Variants in MACROD2 observed in about 807,000 individuals in gnomAD.
MACROD2 encodes the protein mono-ADP ribosylhydrolase 2.
In MACROD2, 36 loss-of-function variants were observed where a neutral mutation model predicts 70.4. That is an observed-to-expected ratio of 0.51 (90% CI 0.39 to 0.68). The LOEUF (loss-of-function observed/expected upper bound fraction) is 0.68. Among genes scored for constraint, MACROD2 ranks in the 30% least tolerant of loss-of-function variants. The pLI, the probability that MACROD2 is intolerant of heterozygous loss-of-function variation, is 0.00. For missense variants in MACROD2, 496 were observed against 538.4 expected (o/e 0.92, Z 0.78); for synonymous variants, 172 against 178.8 (o/e 0.96, Z 0.30).
Position 14,202,878 on chromosome 20 carries a change from G to A in MACROD2, c.271+117150G>A, listed in dbSNP as rs112626730. 8.1e-3 allele frequency among the ~76,000 whole-genome samples: 1,234 copies of A among 152,106 alleles called. 24 individuals carry two copies. Among genetic ancestry groups the A allele is most frequent in the African/African-American group, 0.027 (1,132 of 41,490 alleles). ...AGCCTGACCAACATAGTGAAACCCCGTCTCTATTAAAAATACAAAATTACC... is the reference window on the plus strand; with the variant it reads ...AGCCTGACCAACATAGTGAAACCCCATCTCTATTAAAAATACAAAATTACC... On this transcript the variant is annotated intron_variant, in intron 3 of 17. Transcript: ENST00000684519.
At chr20:15,624,074 T>C (rs965723419) in intron 8 of MACROD2, among the ~76,000 whole-genome samples, 2 of 152,134 alleles carry the variant, frequency 1.3e-5, no homozygotes, top group African/African-American at 4.8e-5. Context: ...AAGCCAACAG[T>C]GCAGCCTTCA....
intron 7 of MACROD2, among the ~76,000 whole-genome samples, chr20:15,452,260 A>G (rs2046653834): frequency 6.6e-6 from 1 of 152,164 alleles, no homozygotes; most frequent in Admixed American, 6.5e-5. Context: ...AGAGAGTCTG[A>G]GGCCCTCACT....
chr20:14,762,763 C>T (rs2072033469), intron 5 of MACROD2, among the ~76,000 whole-genome samples: 1 of 151,928 alleles, frequency 6.6e-6, no homozygotes, highest in Non-Finnish European at 1.5e-5. Context: ...AACTCTGTCT[C>T]TACTGAAAAT....
chr20:15,640,789 T>C (rs969913919), intron 8 of MACROD2, among the ~76,000 whole-genome samples: 6 of 152,218 alleles, frequency 3.9e-5, no homozygotes, highest in Non-Finnish European at 7.3e-5. Flanking sequence ...ATGATGGTTC[T>C]TTTTCAGGAG....
chr20:15,401,686 G>A (rs1018532416), intron 6 of MACROD2, among the ~76,000 whole-genome samples: 1 of 152,170 alleles, frequency 6.6e-6, no homozygotes, highest in African/African-American at 2.4e-5. Context: ...ATAGCAATAG[G>A]GTTATAGTAT....
At chr20:14,180,598 CTAAGAG>C (rs530916296) in intron 3 of MACROD2, among the ~76,000 whole-genome samples, 45 of 151,966 alleles carry the variant, frequency 3.0e-4, no homozygotes, top group Middle Eastern at 3.4e-3. Flanking sequence ...TCTTTTCAGT[CTAAGAG>C]TAATTATGAA....
chr20:15,134,690 T>G (rs1276602034), intron 5 of MACROD2, among the ~76,000 whole-genome samples: 1 of 151,850 alleles, frequency 6.6e-6, no homozygotes, highest in Non-Finnish European at 1.5e-5. Context: ...ATTCAAAAGC[T>G]AGCAGAAGGC....
intron 5 of MACROD2, among the ~76,000 whole-genome samples, chr20:15,130,686 A>C (rs1008723827): frequency 1.4e-4 from 22 of 152,166 alleles, no homozygotes; most frequent in African/African-American, 5.3e-4. Context: ...AGTAAACAAA[A>C]GAGGAGAATG....
intron 4 of MACROD2, among the ~76,000 whole-genome samples, chr20:14,569,806 A>C (rs6079496): frequency 0.64 from 97,342 of 151,676 alleles, 32,808 homozygotes; most frequent in East Asian, 0.93. Flanking sequence ...AAGAATTTGG[A>C]TCCTAAGGGA....
At chr20:15,572,170 T>C (rs2048384754) in intron 8 of MACROD2, among the ~76,000 whole-genome samples, 1 of 152,062 alleles carries the variant, frequency 6.6e-6, no homozygotes, top group Non-Finnish European at 1.5e-5. Flanking sequence ...GAAAGCCCTG[T>C]ATATATTCAC....
intron 3 of MACROD2, among the ~76,000 whole-genome samples, chr20:14,433,440 G>A (rs1266358544): frequency 6.6e-6 from 1 of 152,128 alleles, no homozygotes; most frequent in Non-Finnish European, 1.5e-5. Context: ...AGAAAATAAA[G>A]TGAAAAGGGT....
intron 6 of MACROD2, among the ~76,000 whole-genome samples, chr20:15,242,220 A>C (rs752560322): frequency 1.3e-5 from 2 of 152,188 alleles, no homozygotes; most frequent in Non-Finnish European, 2.9e-5. Context: ...CGGACCTCCA[A>C]AGAGGGACAT....
At chr20:15,062,643 C>T (rs2075542094) in intron 5 of MACROD2, among the ~76,000 whole-genome samples, 1 of 152,042 alleles carries the variant, frequency 6.6e-6, no homozygotes, top group African/African-American at 2.4e-5. Context: ...TTTCTTTTAA[C>T]TAATTAATCT....
chr20:15,258,637 A>G (rs1434727645), intron 6 of MACROD2, among the ~76,000 whole-genome samples: 1 of 152,076 alleles, frequency 6.6e-6, no homozygotes, highest in African/African-American at 2.4e-5. Flanking sequence ...CGATGGTGAA[A>G]TCACCTAGCA....
At chr20:14,564,801 G>A (rs1979668190) in intron 4 of MACROD2, among the ~76,000 whole-genome samples, 1 of 151,808 alleles carries the variant, frequency 6.6e-6, no homozygotes, top group Non-Finnish European at 1.5e-5. Flanking sequence ...ACTAAAAATA[G>A]AACTATCATA....
chr20:14,590,476 A>G (rs1303937384), intron 4 of MACROD2, among the ~76,000 whole-genome samples: 1 of 152,192 alleles, frequency 6.6e-6, no homozygotes, highest in Non-Finnish European at 1.5e-5. Context: ...TCAAACTCCT[A>G]GCCTACCCCG....
intron 8 of MACROD2, among the ~76,000 whole-genome samples, chr20:15,860,307 A>C (rs1453336988): frequency 6.6e-6 from 1 of 152,156 alleles, no homozygotes; most frequent in African/African-American, 2.4e-5. Flanking sequence ...AGTATGGGGG[A>C]AATGTGTAGG....
chr20:14,273,465 TA>T (rs1818093128), intron 3 of MACROD2, among the ~76,000 whole-genome samples: 1 of 148,080 alleles, frequency 6.8e-6, no homozygotes, highest in African/African-American at 2.5e-5. Context: ...AGACACAACA[TA>T]CCAGAATCTC....
chr20:14,585,246 A>G (rs1220637630), intron 4 of MACROD2, among the ~76,000 whole-genome samples: 1 of 152,192 alleles, frequency 6.6e-6, no homozygotes, highest in East Asian at 1.9e-4. Flanking sequence ...GGGCATACAT[A>G]AAAACATATT....
Sources: gnomAD v4.1 joint callset for allele counts (sites outside exome capture counted in the v4.1 genomes callset) on GRCh38, gnomAD v4.1.1 for gene constraint, MANE v1.5 for transcripts, NCBI Gene and HGNC (gene_info 2026-07-23, HGNC 2026-07-21) for gene names.